Variants in NOL10 observed in about 807,000 individuals in gnomAD.
NOL10 encodes the protein nucleolar protein 10, also known as H_NH0074G24.1.
NOL10 carries 58 observed loss-of-function variants against 103.5 expected under a neutral mutation model. The ratio of observed to expected loss-of-function variants is 0.56; its 90% CI spans 0.45 to 0.70. The LOEUF is 0.70. Ranked by LOEUF, NOL10 falls within the 30% of genes least tolerant of loss-of-function variation. NOL10 has a pLI of 0.00. For synonymous variants in NOL10, 287 were observed against 282.5 expected (o/e 1.02, Z -0.16); for missense variants, 763 against 807.3 (o/e 0.95, Z 0.67).
intron 1 of NOL10, among the ~76,000 whole-genome samples, chr2:10,685,488 T>C (rs1226493022): frequency 2.4e-4 from 2 of 8,388 alleles, no homozygotes; most frequent in Admixed American, 1.3e-3. Context: ...AGAGACTCCG[T>C]CCCCCCCCCC....
At chr2:10,584,107 G>A (rs1674901689) in intron 19 of NOL10, among the ~76,000 whole-genome samples, 1 of 152,128 alleles carries the variant, frequency 6.6e-6, no homozygotes, top group Non-Finnish European at 1.5e-5. Flanking sequence ...CCTCTGCCAG[G>A]AATGCTATCT....
intron 20 of NOL10, 36 bp downstream of exon 20, chr2:10,577,600 T>G: frequency 6.8e-7 from 1 of 1,467,346 alleles, no homozygotes; most frequent in Admixed American, 1.9e-5. Flanking sequence ...TATTTTTCTT[T>G]TGTGAATTAA....
Position 10,684,597 on chromosome 2 carries a change from T to G in NOL10, c.82A>C (p.Lys28Gln). 1 of 1,572,076 alleles carries G rather than the reference T, an allele frequency of 6.4e-7. No individual in the cohort carries two copies. The highest frequency in any genetic ancestry group is 8.6e-7 in the Non-Finnish European group (1 of 1,157,310). Reference sequence around the variant, plus strand: ...TCTTTCTTCTGTAGCGCTCTCTTCTTCCTATCAGAAAGCCACTTAAAGAAA... The same window carrying G: ...TCTTTCTTCTGTAGCGCTCTCTTCTGCCTATCAGAAAGCCACTTAAAGAAA... ...KSLPEWLSDR[K>Q]KRALQKKDVD... Residue 28 changes from lysine to glutamine, a missense_variant, in exon 2 of 21, where the codon AAG (lysine) becomes CAG (glutamine). Physicochemically the swap from Lys to Gln is moderately conservative, Grantham distance 53 (BLOSUM62 1). Transcript: ENST00000381685.
At chr2:10,606,824 GTC>G (rs1676286839) in intron 14 of NOL10, among the ~76,000 whole-genome samples, 1 of 151,830 alleles carries the variant, frequency 6.6e-6, no homozygotes, top group Non-Finnish European at 1.5e-5. Context: ...TTTACTTGCC[GTC>G]TCTGAGACAT....
At chr2:10,643,982 G>A (rs914311008) in intron 13 of NOL10, among the ~76,000 whole-genome samples, 1 of 152,164 alleles carries the variant, frequency 6.6e-6, no homozygotes, top group Non-Finnish European at 1.5e-5. Context: ...GGGAGTGGTG[G>A]CTCACACCTG....
intron 13 of NOL10, among the ~76,000 whole-genome samples, chr2:10,625,176 T>C (rs926322466): frequency 6.6e-6 from 1 of 152,194 alleles, no homozygotes; most frequent in Non-Finnish European, 1.5e-5. Context: ...GAGACTATTC[T>C]ATGTGATATT....
chr2:10,679,167 C>T (rs1681542520), intron 3 of NOL10, among the ~76,000 whole-genome samples: 1 of 151,992 alleles, frequency 6.6e-6, no homozygotes, highest in African/African-American at 2.4e-5. Context: ...CAAGACCAGC[C>T]TGACCAACAT....
At chr2:10,593,989 G>A (rs1675530658) in intron 17 of NOL10, among the ~76,000 whole-genome samples, 2 of 152,178 alleles carry the variant, frequency 1.3e-5, no homozygotes, top group African/African-American at 2.4e-5. Context: ...GAGGGACCCT[G>A]TCCCCACCTA....
chr2:10,644,239 C>T, intron 13 of NOL10, 81 bp downstream of exon 13: 1 of 1,072,560 alleles, frequency 9.3e-7, no homozygotes, highest in East Asian at 2.9e-5. Flanking sequence ...TCGCCAGACT[C>T]CGTCTCAAAA....
intron 12 of NOL10, among the ~76,000 whole-genome samples, chr2:10,647,291 G>T (rs1679152833): frequency 6.6e-6 from 1 of 152,128 alleles, no homozygotes; most frequent in Admixed American, 6.6e-5. Flanking sequence ...GGGACTAAAG[G>T]ACTCACTGAA....
chr2:10,624,849 C>T lies in NOL10; in HGVS notation c.1027-17538G>A, dbSNP rs140248580. The stretch of plus-strand genomic sequence containing the variant: ...ATGTTTAGAGCGGCTTTATTCCTAA[C>T]TGCCAAAACTGGAAACAACCAAGAG... On this transcript the variant is annotated intron_variant, in intron 13 of 20. Coordinates refer to ENST00000381685, the MANE Select transcript of NOL10 (RefSeq NM_024894.4). Among the ~76,000 whole-genome samples the T allele has an allele frequency of 1.5e-3, 226 of 152,278 alleles. 1 individual carries two copies. The East Asian group carries it at 0.029, about 20-fold the overall frequency.
At chr2:10,598,174 T>G (rs1028116446) in intron 17 of NOL10, among the ~76,000 whole-genome samples, 1 of 152,178 alleles carries the variant, frequency 6.6e-6, no homozygotes, top group African/African-American at 2.4e-5. Context: ...CAGCGAGCTC[T>G]TTAGTCCACA....
At chr2:10,681,089 T>A (rs1378244338) in intron 3 of NOL10, among the ~76,000 whole-genome samples, 1 of 152,142 alleles carries the variant, frequency 6.6e-6, no homozygotes, top group Admixed American at 6.5e-5. Context: ...TACCTAGGAC[T>A]CAAAAATTCC....
At chr2:10,578,654 C>CT (rs2148143064) in intron 19 of NOL10, among the ~76,000 whole-genome samples, 1 of 152,318 alleles carries the variant, frequency 6.6e-6, no homozygotes, top group African/African-American at 2.4e-5. Flanking sequence ...TGAAACTTCA[C>CT]TGCAAGTTAT....
chr2:10,678,277 C>G (rs966504948), intron 3 of NOL10, among the ~76,000 whole-genome samples: 6 of 151,872 alleles, frequency 4.0e-5, no homozygotes, highest in African/African-American at 1.5e-4. Flanking sequence ...GTCTTGAACT[C>G]CTGGCCTCAA....
In NOL10 at chr2:10,635,025, GA is replaced by G. The variant is rs1158234910; in HGVS notation, c.1026+9294del. On this transcript the variant is annotated intron_variant, in intron 13 of 20. Coordinates refer to ENST00000381685, the MANE Select transcript of NOL10 (RefSeq NM_024894.4). ...GAGATCAGAAGGATTTTAAATTTTT[GA>G]TTTTTTTTTTGGCTTTTGGAACATT... Among the ~76,000 whole-genome samples, 5 of 151,988 alleles carry G rather than the reference GA, an allele frequency of 3.3e-5. No individual in the cohort carries two copies. The South Asian group carries it at 1.0e-3, about 32-fold the overall frequency.
chr2:10,680,609 T>G (rs1192892421), intron 3 of NOL10, among the ~76,000 whole-genome samples: 1 of 152,222 alleles, frequency 6.6e-6, no homozygotes, highest in East Asian at 1.9e-4. Flanking sequence ...TATCTTAGAT[T>G]TCCTCAATTC....
intron 13 of NOL10, among the ~76,000 whole-genome samples, chr2:10,628,396 A>AC (rs1558302243): frequency 1.3e-5 from 2 of 152,086 alleles, no homozygotes; most frequent in African/African-American, 2.4e-5. Context: ...TATTCCTTTG[A>AC]TTTACAGTTG....
intron 4 of NOL10, among the ~76,000 whole-genome samples, chr2:10,675,015 C>T (rs896921689): frequency 1.3e-5 from 2 of 152,078 alleles, no homozygotes; most frequent in African/African-American, 4.8e-5. Flanking sequence ...CCAGCCTGGG[C>T]AACATGGCTA....
Sources: allele counts gnomAD v4.1 joint callset (sites outside exome capture counted in the v4.1 genomes callset), GRCh38; gene constraint gnomAD v4.1.1; transcripts MANE v1.5; gene names NCBI Gene and HGNC (gene_info 2026-07-23, HGNC 2026-07-21).